The following DGKG variants were observed in gnomAD, a reference collection of about 807,000 sequenced individuals.
DGKG encodes the protein diacylglycerol kinase gamma.
DGKG carries 78 observed loss-of-function variants against 105.3 expected under a neutral mutation model. The ratio of observed to expected loss-of-function variants is 0.74; its 90% CI spans 0.62 to 0.89. The LOEUF (loss-of-function observed/expected upper bound fraction) is 0.89. Among genes scored for constraint, DGKG ranks in the 40% least tolerant of loss-of-function variants. The pLI, the probability that DGKG is intolerant of heterozygous loss-of-function variation, is 0.00. For missense variants in DGKG, 958 were observed against 1,020.1 expected, an observed-to-expected ratio of 0.94 and a Z score of 0.83; for synonymous variants, 346 against 367.1, an observed-to-expected ratio of 0.94 and a Z score of 0.66.
intron 21 of DGKG, among the ~76,000 whole-genome samples, chr3:186,190,993 T>TAGAGATGAGAG (rs1206384345): frequency 1.3e-5 from 2 of 152,156 alleles, no homozygotes; most frequent in Non-Finnish European, 2.9e-5. Context: ...TGATGGAATT[T>TAGAGATGAGAG]AGAGATGAGA....
intron 24 of DGKG, among the ~76,000 whole-genome samples, chr3:186,157,229 G>A (rs1716078628): frequency 6.6e-6 from 1 of 152,016 alleles, no homozygotes. Flanking sequence ...AATGTTGAAT[G>A]TAATTGAATA....
Position 186,149,059 on chromosome 3 carries a change from T to C in DGKG, c.*1031A>G. ...ACACGTTAAGACCATCAGAAGGTCC[T>C]TCAGGTCATACTCTGGGAGTGGTGA... On this transcript the variant is annotated 3_prime_UTR_variant, in exon 25 of 25. Coordinates refer to ENST00000265022, the MANE Select transcript of DGKG (RefSeq NM_001346.3). 6.1e-6 allele frequency: 6 copies of C among 984,046 alleles called. No homozygotes were observed. The highest frequency in any genetic ancestry group is 7.2e-6 in the Non-Finnish European group (6 of 829,660). 61.0% of individuals were successfully genotyped at this position (984,046 alleles called of 1,614,324 possible). A position where few individuals can be genotyped will look rare whatever the true frequency, so the allele number is the denominator to read the frequency against.
rs190575392 is a variant in DGKG, at chr3:186,166,131, G to A, written c.2096-1113C>T. Among the ~76,000 whole-genome samples, 6 of 152,320 alleles carry A rather than the reference G, an allele frequency of 3.9e-5. No homozygotes were observed. The East Asian group carries it at 9.6e-4, about 24-fold the overall frequency. On this transcript the variant is annotated intron_variant, in intron 22 of 24. Coordinates refer to ENST00000265022, the MANE Select transcript of DGKG (RefSeq NM_001346.3). ...ACTCTTGTTTAGAAGGCTAACTATT[G>A]TTTAAAAAACAATCTCTTGACGGAT...
chr3:186,260,030 C>G (rs1166574918), intron 16 of DGKG, among the ~76,000 whole-genome samples: 1 of 152,162 alleles, frequency 6.6e-6, no homozygotes, highest in Non-Finnish European at 1.5e-5. Context: ...GAGTCACTGT[C>G]TAGATTTCCA....
At chr3:186,281,744 C>T (rs1412282249) in intron 7 of DGKG, among the ~76,000 whole-genome samples, 2 of 152,146 alleles carry the variant, frequency 1.3e-5, no homozygotes, top group African/African-American at 2.4e-5. Context: ...AAGAAAAGAG[C>T]TTGTGAATCT....
chr3:186,166,918 C>T (rs775019551), intron 22 of DGKG, among the ~76,000 whole-genome samples: 2 of 152,130 alleles, frequency 1.3e-5, no homozygotes, highest in African/African-American at 2.4e-5. Flanking sequence ...TCCCTGGTAA[C>T]AAAATGTTCT....
At chr3:186,217,689 G>A (rs548317673) in intron 20 of DGKG, among the ~76,000 whole-genome samples, 1 of 152,334 alleles carries the variant, frequency 6.6e-6, no homozygotes, top group Non-Finnish European at 1.5e-5. Flanking sequence ...TTTCAAGGAT[G>A]TCCACAGTGA....
intron 22 of DGKG, among the ~76,000 whole-genome samples, chr3:186,178,284 C>T (rs1291511671): frequency 6.6e-6 from 1 of 152,160 alleles, no homozygotes; most frequent in Non-Finnish European, 1.5e-5. Flanking sequence ...AACATTCAGG[C>T]TGTGCAGAGC....
intron 5 of DGKG, 45 bp downstream of exon 5, chr3:186,297,376 G>A: frequency 7.0e-7 from 1 of 1,420,410 alleles, no homozygotes; most frequent in South Asian, 1.1e-5. Context: ...CCAAGGATGA[G>A]GTATTCCCTA....
intron 1 of DGKG, among the ~76,000 whole-genome samples, chr3:186,357,188 T>G (rs1727009525): frequency 6.6e-6 from 1 of 152,128 alleles, no homozygotes; most frequent in Admixed American, 6.5e-5. Context: ...TATGGATGGG[T>G]TCCTTTCTCC....
In DGKG at chr3:186,361,369, C is replaced by G. The variant is rs1385343994; in HGVS notation, c.-249+577G>C. Among the ~76,000 whole-genome samples, 2 of 152,032 alleles carry G rather than the reference C, an allele frequency of 1.3e-5. No individual in the cohort carries two copies. The highest frequency in any genetic ancestry group is 4.8e-5 in the African/African-American group (2 of 41,382). ...GCACACACACGGACACATCTTGTGA[C>G]TCTGAGACTACACAGATCAACCTCA... On this transcript the variant is annotated intron_variant, in intron 1 of 24. Coordinates refer to ENST00000265022, the MANE Select transcript of DGKG (RefSeq NM_001346.3). This position sits in a 1 kb window ranked among gnomAD's most constrained non-coding sequence, Gnocchi z 6.8.
At chr3:186,220,717 C>G (rs1160826319) in intron 20 of DGKG, among the ~76,000 whole-genome samples, 1 of 152,160 alleles carries the variant, frequency 6.6e-6, no homozygotes, top group East Asian at 1.9e-4. Context: ...GGTCTCCAGT[C>G]TCCACTCTTG....
intron 23 of DGKG, among the ~76,000 whole-genome samples, chr3:186,163,064 C>G (rs1716376814): frequency 6.6e-6 from 1 of 152,130 alleles, no homozygotes; most frequent in South Asian, 2.1e-4. Flanking sequence ...GGAGTACAGT[C>G]ACATGATTAT....
chr3:186,196,035 G>A (rs193134081), intron 21 of DGKG, among the ~76,000 whole-genome samples: 2 of 151,912 alleles, frequency 1.3e-5, no homozygotes, highest in East Asian at 3.9e-4. Context: ...GGATACCCTA[G>A]CACCTTCCCT....
chr3:186,187,164 C>A (rs760655509), intron 22 of DGKG, among the ~76,000 whole-genome samples: 1 of 152,176 alleles, frequency 6.6e-6, no homozygotes, highest in African/African-American at 2.4e-5. Context: ...AGTGTCATAA[C>A]CTGACTGCTC....
intron 1 of DGKG, among the ~76,000 whole-genome samples, chr3:186,322,052 C>A (rs1178817815): frequency 2.0e-5 from 3 of 152,166 alleles, no homozygotes; most frequent in Non-Finnish European, 2.9e-5. Context: ...TTTGCCATGG[C>A]AGAAAACTTC....
At chr3:186,301,825 A>T (rs1247923137) in intron 3 of DGKG, among the ~76,000 whole-genome samples, 1 of 152,174 alleles carries the variant, frequency 6.6e-6, no homozygotes, top group East Asian at 1.9e-4. Context: ...ACTCTCCTAG[A>T]CCTTTGGTAT....
intron 22 of DGKG, among the ~76,000 whole-genome samples, chr3:186,178,393 G>A (rs1448931448): frequency 6.6e-6 from 1 of 152,150 alleles, no homozygotes; most frequent in Non-Finnish European, 1.5e-5. Context: ...CTAGTTTGGG[G>A]GTCAAGATGG....
intron 1 of DGKG, among the ~76,000 whole-genome samples, chr3:186,330,824 C>A (rs908847851): frequency 6.6e-5 from 10 of 152,202 alleles, no homozygotes; most frequent in African/African-American, 2.4e-4. Flanking sequence ...GATAACCCAT[C>A]CCCGCTCAGC....
Sources: allele counts gnomAD v4.1 joint callset (sites outside exome capture counted in the v4.1 genomes callset), GRCh38; gene constraint gnomAD v4.1.1; non-coding constraint Gnocchi (gnomAD v3.1); transcripts MANE v1.5; gene names NCBI Gene and HGNC (gene_info 2026-07-23, HGNC 2026-07-21).